Variants in KLHL29 observed in about 807,000 individuals in gnomAD.
The protein encoded by KLHL29 is kelch-like protein 29.
A neutral mutation model predicts 80.4 loss-of-function variants in KLHL29; 21 were observed. The observed-to-expected ratio is 0.26, with a 90% CI of 0.19 to 0.38. KLHL29 has a LOEUF of 0.38. Ranked by LOEUF, KLHL29 falls within the 10% of genes least tolerant of loss-of-function variation. The pLI, the probability that KLHL29 is intolerant of heterozygous loss-of-function variation, is 1.00. For missense variants in KLHL29, 867 were observed against 1,223.9 expected (o/e 0.71, Z 4.35); for synonymous variants, 511 against 526.8 (o/e 0.97, Z 0.41).
intron 2 of KLHL29, among the ~76,000 whole-genome samples, chr2:23,519,178 C>A (rs1666024355): frequency 6.6e-6 from 1 of 152,154 alleles, no homozygotes; most frequent in Admixed American, 6.5e-5. Flanking sequence ...GCGGGGACAG[C>A]CTCCCTAGGT....
intron 5 of KLHL29, among the ~76,000 whole-genome samples, chr2:23,662,055 G>A (rs1199168075): frequency 6.6e-6 from 1 of 152,188 alleles, no homozygotes; most frequent in Non-Finnish European, 1.5e-5. Context: ...CAGTACTGAA[G>A]CACAAGCTCC....
intron 5 of KLHL29, among the ~76,000 whole-genome samples, chr2:23,657,231 A>G (rs1480932123): frequency 6.6e-6 from 1 of 152,194 alleles, no homozygotes; most frequent in East Asian, 1.9e-4. Flanking sequence ...CCTTAAATGT[A>G]CGGAATTCCC....
chr2:23,535,065 T>C (rs773688374), intron 2 of KLHL29, among the ~76,000 whole-genome samples: 1 of 152,176 alleles, frequency 6.6e-6, no homozygotes, highest in Admixed American at 6.5e-5. Flanking sequence ...CACTTAAGAT[T>C]TGGACAGTTA....
chr2:23,592,822 C>T (rs192075069), intron 3 of KLHL29, among the ~76,000 whole-genome samples: 137 of 152,324 alleles, frequency 9.0e-4, no homozygotes, highest in Non-Finnish European at 1.7e-3. Flanking sequence ...ATGGAAGTCC[C>T]GGTGACCTTC....
At chr2:23,554,638 G>A (rs767664784) in intron 2 of KLHL29, among the ~76,000 whole-genome samples, 61 of 152,296 alleles carry the variant, frequency 4.0e-4, no homozygotes, top group Admixed American at 7.2e-4. Context: ...GACACAGATG[G>A]CCTCCATCCC....
At chr2:23,403,726 A>AGAGTGTGTGTGTGT (rs534136885) in intron 1 of KLHL29, among the ~76,000 whole-genome samples, 7 of 144,114 alleles carry the variant, frequency 4.9e-5, no homozygotes, top group African/African-American at 8.0e-5. Flanking sequence ...AGAGAGAGAG[A>AGAGTGTGTGTGTGT]GTGTGTGTGT....
intron 3 of KLHL29, among the ~76,000 whole-genome samples, chr2:23,584,287 G>C (rs534781078): frequency 6.6e-6 from 1 of 152,194 alleles, no homozygotes; most frequent in Non-Finnish European, 1.5e-5. Flanking sequence ...GGGGCAGGCG[G>C]CGGTGCTGCT....
intron 1 of KLHL29, among the ~76,000 whole-genome samples, chr2:23,398,582 G>A (rs148404234): frequency 1.8e-3 from 274 of 152,328 alleles, no homozygotes; most frequent in African/African-American, 6.3e-3. Flanking sequence ...TGCTGCTGCC[G>A]CTGCTGGGAT....
At chr2:23,511,412 G>A (rs1182985134) in intron 2 of KLHL29, among the ~76,000 whole-genome samples, 1 of 152,182 alleles carries the variant, frequency 6.6e-6, no homozygotes, top group Non-Finnish European at 1.5e-5. Context: ...CCAGTTGGAG[G>A]GCGCAGACCA....
intron 1 of KLHL29, among the ~76,000 whole-genome samples, chr2:23,396,474 C>T (rs1666454504): frequency 6.6e-6 from 1 of 152,160 alleles, no homozygotes. Flanking sequence ...AATGGGAAGA[C>T]ATATAAGATG....
chr2:23,403,726 A>AGAGAGTGTGTGT (rs534136885), intron 1 of KLHL29, among the ~76,000 whole-genome samples: 25 of 144,114 alleles, frequency 1.7e-4, no homozygotes, highest in South Asian at 4.6e-4. Flanking sequence ...AGAGAGAGAG[A>AGAGAGTGTGTGT]GTGTGTGTGT....
chr2:23,526,960 G>A (rs11682018), intron 2 of KLHL29, among the ~76,000 whole-genome samples: 1 of 151,916 alleles, frequency 6.6e-6, no homozygotes, highest in Non-Finnish European at 1.5e-5. Context: ...GCAGGGTTTC[G>A]TGCTCGGGGT....
chr2:23,390,256 T>C (rs975760675), intron 1 of KLHL29, among the ~76,000 whole-genome samples: 1 of 152,124 alleles, frequency 6.6e-6, no homozygotes, highest in Non-Finnish European at 1.5e-5. Flanking sequence ...AGGAGAAGAG[T>C]TCTCATTTTC....
rs1671879384 is a variant in KLHL29 at position 23,695,277 on chromosome 2, C to G, written c.1543-346C>G. ...ATAATCGCGTCTTCCTCATTTTAACCCCTCGCCCCTGCCCCCAGTGGCCTG... is the reference window on the plus strand; with the variant it reads ...ATAATCGCGTCTTCCTCATTTTAACGCCTCGCCCCTGCCCCCAGTGGCCTG... On this transcript the variant is annotated intron_variant, in intron 8 of 13. Transcript: ENST00000486442. This position sits in a 1 kb window ranked among gnomAD's most constrained non-coding sequence, Gnocchi z 7.6. Among the ~76,000 whole-genome samples, 1 of 152,160 alleles carries G rather than the reference C, an allele frequency of 6.6e-6. No homozygotes were observed. Among genetic ancestry groups the G allele is most frequent in the African/African-American group, 2.4e-5 (1 of 41,436 alleles).
At chr2:23,461,975 C>CTTTTT (rs1164075132) in intron 1 of KLHL29, among the ~76,000 whole-genome samples, 53 of 79,542 alleles carry the variant, frequency 6.7e-4, no homozygotes, top group African/African-American at 1.6e-3. Context: ...CGGTTTTTGC[C>CTTTTT]ATTTTTTTTT....
At chr2:23,496,244 C>T (rs1040180138) in intron 2 of KLHL29, among the ~76,000 whole-genome samples, 6 of 152,334 alleles carry the variant, frequency 3.9e-5, no homozygotes, top group African/African-American at 1.4e-4. Context: ...CACGAGACAG[C>T]CCTGGATACC....
intron 11 of KLHL29, among the ~76,000 whole-genome samples, chr2:23,702,953 T>C (rs920079470): frequency 2.0e-5 from 3 of 151,160 alleles, no homozygotes; most frequent in Non-Finnish European, 3.0e-5. Context: ...GACGCTGCCA[T>C]AGGCAGAAAG....
intron 2 of KLHL29, among the ~76,000 whole-genome samples, chr2:23,495,436 G>T (rs550895308): frequency 1.4e-3 from 208 of 152,284 alleles, no homozygotes; most frequent in Non-Finnish European, 2.5e-3. Context: ...TCTGATGTTT[G>T]GCTGGACATT....
rs1201868718 is a variant in KLHL29 at position 23,395,410 on chromosome 2, T to A, written c.-154+9630T>A. Among the ~76,000 whole-genome samples the A allele has an allele frequency of 2.6e-5, 4 of 152,196 alleles. 1 individual carries two copies. Among genetic ancestry groups the A allele is most frequent in the African/African-American group, 4.8e-5 (2 of 41,454 alleles). On this transcript the variant is annotated intron_variant, in intron 1 of 13. Coordinates refer to ENST00000486442, the MANE Select transcript of KLHL29 (RefSeq NM_052920.2). ...CAGATAGGTGTCTGTTTCCACACTG[T>A]TCCCAGTGTGTGCCGAGATAAATTG...
Sources: gnomAD v4.1 joint callset for allele counts (sites outside exome capture counted in the v4.1 genomes callset) on GRCh38, gnomAD v4.1.1 for gene constraint, Gnocchi (gnomAD v3.1) non-coding constraint, MANE v1.5 for transcripts, NCBI Gene and HGNC (gene_info 2026-07-23, HGNC 2026-07-21) for gene names.